The following FSTL4 variants were observed in gnomAD, a reference collection of about 807,000 sequenced individuals.
FSTL4 encodes the protein follistatin-related protein 4.
A neutral mutation model predicts 78.2 loss-of-function variants in FSTL4; 28 were observed. The observed-to-expected ratio is 0.36, with a 90% CI of 0.27 to 0.49. The LOEUF is 0.49. Among genes scored for constraint, FSTL4 ranks in the 20% least tolerant of loss-of-function variants. FSTL4 has a pLI of 0.98. For synonymous variants in FSTL4, 422 were observed against 440.5 expected (o/e 0.96, Z 0.53); for missense variants, 922 against 1,084.9 (o/e 0.85, Z 2.11).
chr5:133,610,892 C>T (rs1444122885), intron 1 of FSTL4, among the ~76,000 whole-genome samples: 2 of 152,108 alleles, frequency 1.3e-5, no homozygotes, highest in Non-Finnish European at 2.9e-5. Context: ...GGCCCATTCC[C>T]GGTGAACATT....
At chr5:133,736,655 A>T in the FSTL4 span, among the ~76,000 whole-genome samples, 1 of 152,124 alleles carries the variant, frequency 6.6e-6, no homozygotes, top group Admixed American at 6.5e-5. Flanking sequence ...TGCACAGTGG[A>T]GAGAGAAGTG....
At chr5:133,827,740 A>G in the FSTL4 span, among the ~76,000 whole-genome samples, 1 of 151,610 alleles carries the variant, frequency 6.6e-6, no homozygotes, top group Admixed American at 6.6e-5. Context: ...CATTGCACAC[A>G]AGGCTGGTCA....
At chr5:133,784,649 C>A in the FSTL4 span, among the ~76,000 whole-genome samples, 1 of 151,994 alleles carries the variant, frequency 6.6e-6, no homozygotes, top group Non-Finnish European at 1.5e-5. Flanking sequence ...TGCATCCCGG[C>A]TTCCACCACT....
intron 3 of FSTL4, among the ~76,000 whole-genome samples, chr5:133,434,122 T>G (rs1003201790): frequency 6.6e-6 from 1 of 152,088 alleles, no homozygotes; most frequent in African/African-American, 2.4e-5. Flanking sequence ...AATGGGAGGC[T>G]TCTAAGTTTC....
the FSTL4 span, among the ~76,000 whole-genome samples, chr5:133,625,373 T>C: frequency 6.6e-6 from 1 of 151,718 alleles, no homozygotes; most frequent in Non-Finnish European, 1.5e-5. Context: ...ATTATTTCAT[T>C]TAATTTTAGT....
the FSTL4 span, among the ~76,000 whole-genome samples, chr5:133,837,947 G>T: frequency 6.6e-6 from 1 of 152,040 alleles, no homozygotes; most frequent in South Asian, 2.1e-4. Context: ...GAGTGCAATG[G>T]CACAATCTCG....
chr5:133,689,647 C>A, the FSTL4 span, among the ~76,000 whole-genome samples: 2 of 152,198 alleles, frequency 1.3e-5, no homozygotes, highest in African/African-American at 4.8e-5. Flanking sequence ...CTTTGGGGAT[C>A]CAGGTTCCTG....
At chr5:133,613,453 G>A (rs568165893), upstream of FSTL4, among the ~76,000 whole-genome samples, 6 of 152,194 alleles carry the variant, frequency 3.9e-5, no homozygotes, top group East Asian at 1.2e-3. Flanking sequence ...CTCCTGGCCG[G>A]GGGGAGGTGA....
intron 14 of FSTL4, among the ~76,000 whole-genome samples, chr5:133,207,222 CTCT>C (rs1238223506): frequency 6.6e-6 from 1 of 152,140 alleles, no homozygotes; most frequent in Non-Finnish European, 1.5e-5. Context: ...TTAAATCAAG[CTCT>C]TCTATGTTAA....
At chr5:133,467,522 C>T (rs541224675) in intron 3 of FSTL4, among the ~76,000 whole-genome samples, 2 of 152,268 alleles carry the variant, frequency 1.3e-5, no homozygotes, top group East Asian at 3.9e-4. Context: ...GCCCCTACTG[C>T]GACTGAAAGG....
At chr5:133,583,404 G>A (rs1222896200) in intron 2 of FSTL4, 2 of 306,048 alleles carry the variant, frequency 6.5e-6, no homozygotes, top group African/African-American at 2.5e-5. Flanking sequence ...CATCTCACTA[G>A]GGAGTGCCAG....
the FSTL4 span, among the ~76,000 whole-genome samples, chr5:133,829,316 G>A: frequency 2.6e-5 from 4 of 152,188 alleles, no homozygotes; most frequent in Non-Finnish European, 5.9e-5. Context: ...GAACCGGGAG[G>A]CAGAGGTTGC....
At chr5:133,792,349 G>T in the FSTL4 span, among the ~76,000 whole-genome samples, 1 of 152,140 alleles carries the variant, frequency 6.6e-6, no homozygotes, top group African/African-American at 2.4e-5. Flanking sequence ...CACTCCACTG[G>T]TTTTTATCCT....
the FSTL4 span, among the ~76,000 whole-genome samples, chr5:133,739,918 T>C: frequency 1.3e-5 from 2 of 148,664 alleles, no homozygotes; most frequent in South Asian, 4.2e-4. Context: ...TTTTTGACAG[T>C]GTCTTGCTTT....
At chr5:133,398,413 G>A (rs952300251) in intron 4 of FSTL4, among the ~76,000 whole-genome samples, 2 of 152,144 alleles carry the variant, frequency 1.3e-5, no homozygotes, top group African/African-American at 4.8e-5. Flanking sequence ...CCAGCAATGA[G>A]TGTCTGCCTG....
intron 3 of FSTL4, among the ~76,000 whole-genome samples, chr5:133,479,162 G>T (rs992608703): frequency 6.6e-6 from 1 of 152,148 alleles, no homozygotes; most frequent in Non-Finnish European, 1.5e-5. Flanking sequence ...ACACTCACCT[G>T]CCTTGATTTG....
chr5:133,319,539 C>T (rs1753996330), intron 4 of FSTL4, among the ~76,000 whole-genome samples: 1 of 152,056 alleles, frequency 6.6e-6, no homozygotes, highest in Non-Finnish European at 1.5e-5. Context: ...TGGTGGGGCA[C>T]GTCTGGAGAC....
chr5:133,330,505 G>C (rs911813273), intron 4 of FSTL4, among the ~76,000 whole-genome samples: 1 of 152,178 alleles, frequency 6.6e-6, no homozygotes, highest in African/African-American at 2.4e-5. Flanking sequence ...GAGGACAGCC[G>C]TGAGGGGATG....
chr5:133,216,313 CAG>C (rs1393241678), intron 13 of FSTL4, among the ~76,000 whole-genome samples: 3 of 152,162 alleles, frequency 2.0e-5, no homozygotes. Flanking sequence ...TCTTTTGAGA[CAG>C]AGTGTTGCTC....
Sources: allele counts gnomAD v4.1 joint callset (sites outside exome capture counted in the v4.1 genomes callset), GRCh38; gene constraint gnomAD v4.1.1; transcripts MANE v1.5; gene names NCBI Gene and HGNC (gene_info 2026-07-23, HGNC 2026-07-21).